Variants in HCRTR2 observed in about 807,000 individuals in gnomAD.
HCRTR2 encodes the protein hypocretin receptor 2.
In HCRTR2, 22 loss-of-function variants were observed where a neutral mutation model predicts 49.0. The observed-to-expected ratio is 0.45, with a 90% confidence interval of 0.32 to 0.64. The LOEUF (loss-of-function observed/expected upper bound fraction) is 0.64. HCRTR2 is among the 30% of genes least tolerant of loss of function. HCRTR2 has a pLI of 0.04. For missense variants in HCRTR2, 491 were observed against 559.4 expected (o/e 0.88, Z 1.23); for synonymous variants, 236 against 205.3 (o/e 1.15, Z -1.28).
chr6:55,259,471 C>G (rs1055280292), intron 3 of HCRTR2, among the ~76,000 whole-genome samples: 8 of 151,874 alleles, frequency 5.3e-5, no homozygotes, highest in African/African-American at 1.9e-4. Flanking sequence ...CATTCAATTC[C>G]TGATAAGTGT....
chr6:55,148,702 T>C (rs1468406023), intron 1 of HCRTR2, among the ~76,000 whole-genome samples: 1 of 152,132 alleles, frequency 6.6e-6, no homozygotes, highest in Non-Finnish European at 1.5e-5. Flanking sequence ...ATGCTTCCAA[T>C]TAAATCTCTA....
At chr6:55,277,170 T>G (rs1767091768) in intron 4 of HCRTR2, among the ~76,000 whole-genome samples, 2 of 152,162 alleles carry the variant, frequency 1.3e-5, no homozygotes. Context: ...TGTTTTAACT[T>G]TTTTTTCCAC....
At chr6:55,157,946 T>C (rs538902839) in intron 1 of HCRTR2, among the ~76,000 whole-genome samples, 1 of 152,310 alleles carries the variant, frequency 6.6e-6, no homozygotes, top group South Asian at 2.1e-4. Flanking sequence ...CTACAATAAA[T>C]ACCTAACTTC....
Position 55,277,431 on chromosome 6 carries a change from G to A in HCRTR2, c.814G>A (p.Val272Ile), listed in dbSNP as rs748571538. 1.2e-6 allele frequency: 2 copies of A among 1,614,146 alleles called. No homozygotes were observed. Among genetic ancestry groups the A allele is most frequent in the Admixed American group, 1.7e-5 (1 of 59,992 alleles). ...GAGAAAATGGAAGCCCCTGCAGCCT[G>A]TTTCACAGCCTCGAGGGCCAGGACA... ...VQRKWKPLQP[V>I]SQPRGPGQPT... is the part of the protein sequence containing the mutation. Residue 272 changes from valine to isoleucine, a missense_variant, in exon 5 of 7, where the codon GTT (valine) becomes ATT (isoleucine). Coordinates refer to ENST00000370862, the MANE Select transcript of HCRTR2 (RefSeq NM_001384272.1).
At chr6:55,251,869 C>A (rs777564868) in intron 2 of HCRTR2, among the ~76,000 whole-genome samples, 1 of 152,030 alleles carries the variant, frequency 6.6e-6, no homozygotes, top group South Asian at 2.1e-4. Context: ...CATTATCTCA[C>A]TCCACTTCAT....
At position 55,255,311 on chromosome 6, in the gene HCRTR2, G is replaced by A; in HGVS notation, c.578G>A (p.Cys193Tyr). Residue 193 changes from cysteine to tyrosine, a missense_variant, in exon 3 of 7, where the codon TGC becomes TAC. Physicochemically the swap from Cys to Tyr is radical, Grantham distance 194. Transcript: ENST00000370862. The part of the protein sequence containing the change: ...IMIPQAIVME[C>Y]STVFPGLANK... The stretch of plus-strand genomic sequence containing the variant: ...ATTCCTCAGGCCATCGTCATGGAGT[G>A]CAGCACCGTGTTCCCAGGCTTAGCC... 1.2e-6 allele frequency: 2 copies of A among 1,614,030 alleles called. No homozygotes were observed. Among genetic ancestry groups the A allele is most frequent in the African/African-American group, 1.3e-5 (1 of 75,018 alleles).
intron 1 of HCRTR2, among the ~76,000 whole-genome samples, chr6:55,228,208 G>A (rs755634918): frequency 2.3e-4 from 33 of 146,542 alleles, no homozygotes; most frequent in Non-Finnish European, 3.7e-4. Flanking sequence ...GCGGAATGGG[G>A]ATAGACAAAA....
At chr6:55,123,746 C>T (rs1365018750) in intron 1 of HCRTR2, among the ~76,000 whole-genome samples, 2 of 152,098 alleles carry the variant, frequency 1.3e-5, no homozygotes, top group Non-Finnish European at 2.9e-5. Flanking sequence ...GCTGTGAATC[C>T]ATCTGGTCCT....
intron 1 of HCRTR2, among the ~76,000 whole-genome samples, chr6:55,200,540 C>T (rs1765495588): frequency 1.3e-5 from 2 of 152,118 alleles, no homozygotes; most frequent in Non-Finnish European, 1.5e-5. Flanking sequence ...TGTAATTCTG[C>T]TAATGGTTGT....
At chr6:55,249,301 T>A (rs1450422778) in intron 2 of HCRTR2, among the ~76,000 whole-genome samples, 1 of 152,142 alleles carries the variant, frequency 6.6e-6, no homozygotes, top group Non-Finnish European at 1.5e-5. Flanking sequence ...TACAAGTGAT[T>A]TTATTTTATA....
At position 55,263,802 on chromosome 6, in the gene HCRTR2, C is replaced by T. The variant is rs766006062; in HGVS notation, c.742C>T (p.Arg248Cys). 8 of 1,608,150 alleles carry T rather than the reference C, an allele frequency of 5.0e-6. No homozygotes were observed. Among genetic ancestry groups the T allele is most frequent in the Non-Finnish European group, 6.0e-6 (7 of 1,175,238 alleles). The change falls in exon 4 of 7, where the codon CGC becomes TGC. Residue 248 changes from arginine (R) to cysteine (C), a missense_variant. By Grantham distance (180) the Arg-to-Cys change is radical. Coordinates refer to ENST00000370862, the MANE Select transcript of HCRTR2 (RefSeq NM_001384272.1). The stretch of plus-strand genomic sequence containing the variant: ...GGTGTTGGCTTATCTGCAAATATTT[C>T]GCAAACTCTGGTGTCGACAGGTATA... ...LMVLAYLQIF[R>C]KLWCRQIPGT... is the part of the protein sequence containing the mutation.
intron 1 of HCRTR2, among the ~76,000 whole-genome samples, chr6:55,247,924 C>A (rs540519358): frequency 1.3e-5 from 2 of 151,990 alleles, no homozygotes; most frequent in Non-Finnish European, 2.9e-5. Flanking sequence ...AGAAGGCAAC[C>A]CATGTGGTGA....
intron 2 of HCRTR2, among the ~76,000 whole-genome samples, chr6:55,249,725 T>C (rs1766512346): frequency 6.6e-6 from 1 of 152,104 alleles, no homozygotes; most frequent in Non-Finnish European, 1.5e-5. Flanking sequence ...GTGTTCTGAT[T>C]GTTATTATAG....
rs1765583081 is a variant in HCRTR2 at position 55,205,380 on chromosome 6, G to A, written c.223+30570G>A. 2.6e-5 allele frequency among the ~76,000 whole-genome samples: 4 copies of A among 152,126 alleles called. No individual in the cohort carries two copies. The South Asian group carries it at 8.3e-4, about 31-fold the overall frequency. ...ATGGCTGGGGAAGAAGGAATCTAAG[G>A]TAGTGAAGAGATTGAAATGTGTCAA... On this transcript the variant is annotated intron_variant, in intron 1 of 6. Coordinates refer to ENST00000370862, the MANE Select transcript of HCRTR2 (RefSeq NM_001384272.1).
chr6:55,140,479 C>G (rs989484236), intron 1 of HCRTR2, among the ~76,000 whole-genome samples: 4 of 152,096 alleles, frequency 2.6e-5, no homozygotes, highest in Non-Finnish European at 5.9e-5. Context: ...TTTTCAGAAG[C>G]AAATGGAGGT....
chr6:55,154,793 CAT>C (rs1430762036), intron 1 of HCRTR2, among the ~76,000 whole-genome samples: 2 of 151,690 alleles, frequency 1.3e-5, no homozygotes, highest in Non-Finnish European at 3.0e-5. Flanking sequence ...GAGCTGATCT[CAT>C]GTGTAGACAA....
At chr6:55,169,309 C>A (rs1032378417) in intron 1 of HCRTR2, among the ~76,000 whole-genome samples, 10 of 151,224 alleles carry the variant, frequency 6.6e-5, no homozygotes, top group African/African-American at 2.2e-4. Flanking sequence ...ACGGAGAGAA[C>A]CTTGTCTGAG....
intron 1 of HCRTR2, among the ~76,000 whole-genome samples, chr6:55,222,816 G>A (rs1765924195): frequency 6.6e-6 from 1 of 152,130 alleles, no homozygotes; most frequent in Non-Finnish European, 1.5e-5. Flanking sequence ...AGTGGGTATA[G>A]AGTTTAAAGC....
chr6:55,249,849 C>G (rs1455970979), intron 2 of HCRTR2, among the ~76,000 whole-genome samples: 1 of 152,114 alleles, frequency 6.6e-6, no homozygotes, highest in East Asian at 1.9e-4. Flanking sequence ...TGACCACTCT[C>G]TGCTTGTCTT....
Sources: allele counts gnomAD v4.1 joint callset (sites outside exome capture counted in the v4.1 genomes callset), GRCh38; gene constraint gnomAD v4.1.1; transcripts MANE v1.5; gene names NCBI Gene and HGNC (gene_info 2026-07-23, HGNC 2026-07-21).